Variants in UBE2Z observed in about 807,000 individuals in gnomAD.
UBE2Z encodes ubiquitin-conjugating enzyme E2 Z.
Under a neutral mutation model 32.6 loss-of-function variants are expected in UBE2Z, and 10 were observed. That is an observed-to-expected ratio of 0.31 (90% CI 0.19 to 0.52). The LOEUF is 0.52. Ranked by LOEUF, UBE2Z falls within the 20% of genes least tolerant of loss-of-function variation. The probability of loss-of-function intolerance (pLI) is 0.97; values close to 1 mark genes in which losing one functional copy is unlikely to be tolerated. For synonymous variants in UBE2Z, 183 were observed against 190.8 expected (o/e 0.96, Z 0.34); for missense variants, 343 against 480.9 (o/e 0.71, Z 2.68).
intron 6 of UBE2Z, 81 bp downstream of exon 6, chr17:48,923,018 T>G (rs759696790): frequency 3.0e-5 from 39 of 1,286,196 alleles, no homozygotes; most frequent in Non-Finnish European, 3.7e-5. Context: ...CATCGACAGC[T>G]GTCATAGAAT....
In UBE2Z at chr17:48,927,328, G is replaced by C. The variant is rs1192581805; in HGVS notation, c.*194G>C. 1.7e-6 allele frequency: 1 copy of C among 596,112 alleles called. No individual in the cohort carries two copies. The highest frequency in any genetic ancestry group is 2.9e-6 in the Non-Finnish European group (1 of 342,038). The allele number at this position is 596,112 out of a possible 1,614,324, so 36.9% of individuals were successfully genotyped here. ...TCCCGGTCTGACCTCCTTGGCACTG[G>C]AGCATCTGGGGCTTCGTTCATCCAT... is the stretch of plus-strand genomic sequence containing the variant. On this transcript the variant is annotated 3_prime_UTR_variant, in exon 7 of 7. Transcript: ENST00000360943.
At chr17:48,915,308 C>G (rs1438012879) in intron 3 of UBE2Z, among the ~76,000 whole-genome samples, 2 of 152,270 alleles carry the variant, frequency 1.3e-5, no homozygotes, top group East Asian at 3.9e-4. Flanking sequence ...GAAACAGAAG[C>G]AGGCAGTCAA....
chr17:48,908,453 C>T lies in UBE2Z; in HGVS notation c.-51C>T. On this transcript the variant is annotated 5_prime_UTR_variant, in exon 1 of 7. Transcript: ENST00000360943. ...GTGCGGGAGCGGGCGGGAGCAGCGG[C>T]CGCTCTGGTCGGCGGACGTGCTGCC... is the stretch of plus-strand genomic sequence containing the variant. 1 of 1,222,534 alleles carries T rather than the reference C, an allele frequency of 8.2e-7. No homozygotes were observed. The highest frequency in any genetic ancestry group is 1.0e-6 in the Non-Finnish European group (1 of 980,848). 75.7% of individuals were successfully genotyped at this position (1,222,534 alleles called of 1,614,324 possible). A position where few individuals can be genotyped will look rare whatever the true frequency, so the allele number is the denominator to read the frequency against.
intron 3 of UBE2Z, 45 bp from the exon 4 acceptor site, chr17:48,916,031 A>G (rs898139915): frequency 2.1e-6 from 3 of 1,406,156 alleles, no homozygotes; most frequent in Admixed American, 2.2e-5. Context: ...CTTGTTCCCT[A>G]TTCTTTCTCT....
At chr17:48,910,682 G>A (rs999475) in intron 1 of UBE2Z, 126 bp from the exon 2 acceptor site, 210,881 of 748,726 alleles carry the variant, frequency 0.28, 31,049 homozygotes, top group Admixed American at 0.42. Context: ...ACAAACACTT[G>A]CGGTACCAAG....
chr17:48,919,453 C>T (rs1003943788), intron 4 of UBE2Z, among the ~76,000 whole-genome samples: 6 of 152,106 alleles, frequency 3.9e-5, no homozygotes, highest in South Asian at 4.1e-4. Context: ...GTTTATCTTT[C>T]GAAGCTTCTG....
At chr17:48,914,547 C>T (rs771598708) in intron 3 of UBE2Z, among the ~76,000 whole-genome samples, 7 of 152,282 alleles carry the variant, frequency 4.6e-5, no homozygotes, top group Non-Finnish European at 7.4e-5. Context: ...GAAATTTAGT[C>T]GTTGCTTCTG....
intron 4 of UBE2Z, among the ~76,000 whole-genome samples, chr17:48,919,228 C>T (rs2040742606): frequency 6.6e-6 from 1 of 152,078 alleles, no homozygotes. Flanking sequence ...TTATGATCCA[C>T]CTGCCTCGGC....
chr17:48,912,794 T>A (rs2040689777), intron 2 of UBE2Z, 40 bp from the exon 3 acceptor site: 20 of 1,609,090 alleles, frequency 1.2e-5, no homozygotes, highest in Non-Finnish European at 1.7e-5. Flanking sequence ...TTGGGGTGGG[T>A]CATCACCTCA....
chr17:48,922,766 G>C, intron 5 of UBE2Z, 81 bp from the exon 6 acceptor site: 1 of 876,988 alleles, frequency 1.1e-6, no homozygotes, highest in Non-Finnish European at 1.6e-6. Context: ...GACTCCATCT[G>C]AAAAAAAAAA....
At chr17:48,916,044 C>T (rs377040123) in intron 3 of UBE2Z, 32 bp from the exon 4 acceptor site, 1 of 1,497,238 alleles carries the variant, frequency 6.7e-7, no homozygotes, top group Non-Finnish European at 9.1e-7. Flanking sequence ...CTTTCTCTGC[C>T]TCACCCTCCA....
rs371253123 is a variant in UBE2Z, at chr17:48,916,258, G to GTTT, written c.690+84_690+86dup. 6.6e-4 allele frequency: 277 copies of GTTT among 418,536 alleles called. 1 individual carries two copies. Among genetic ancestry groups the GTTT allele is most frequent in the East Asian group, 1.0e-3 (19 of 18,438 alleles). 25.9% of individuals were successfully genotyped at this position (418,536 alleles called of 1,614,324 possible). On this transcript the variant is annotated intron_variant, in intron 4 of 6. Transcript: ENST00000360943. ...GTTTGTTTGGTTGGTTGGTTTTTTTGTTTTTTTTTTTTTTTGAGACAGAGT... is the reference window on the plus strand; with the variant it reads ...GTTTGTTTGGTTGGTTGGTTTTTTTGTTTTTTTTTTTTTTTTTTGAGACAGAGT...
In UBE2Z at chr17:48,927,115, A is replaced by G; in HGVS notation, c.1046A>G (p.His349Arg). The change falls in exon 7 of 7, where the codon CAT becomes CGT. Residue 349 changes from histidine to arginine, a missense_variant. Physicochemically the swap from His to Arg is conservative, Grantham distance 29. Coordinates refer to ENST00000360943, the MANE Select transcript of UBE2Z (RefSeq NM_023079.5). ...TCATCTGGGACAGAGACAGACCTTC[A>G]TGGGAGCCTGAGGGTTTAGACCCTG... ...SSSSGTETDL[H>R]GSLRV The G allele has an allele frequency of 6.2e-7, 1 of 1,613,920 alleles. No individual in the cohort carries two copies. The highest frequency in any genetic ancestry group is 8.5e-7 in the Non-Finnish European group (1 of 1,179,846).
At chr17:48,920,835 A>G (rs2040753574) in intron 4 of UBE2Z, among the ~76,000 whole-genome samples, 1 of 152,034 alleles carries the variant, frequency 6.6e-6, no homozygotes, top group Non-Finnish European at 1.5e-5. Flanking sequence ...TAGCAACCCT[A>G]CCATCATTCT....
intron 1 of UBE2Z, 184 bp from the exon 2 acceptor site, chr17:48,910,624 G>C (rs1240862618): frequency 2.0e-6 from 1 of 505,866 alleles, no homozygotes. Context: ...TTTGCTCTCT[G>C]CCTGCCTGAC....
chr17:48,927,265 G>C lies in UBE2Z; in HGVS notation c.*131G>C, dbSNP rs2040804558. 4.0e-6 allele frequency: 4 copies of C among 1,004,268 alleles called. No homozygotes were observed. The highest frequency in any genetic ancestry group is 4.3e-6 in the Non-Finnish European group (3 of 690,530). The allele number at this position is 1,004,268 out of a possible 1,614,324, so 62.2% of individuals were successfully genotyped here. A position where few individuals can be genotyped will look rare whatever the true frequency, so the allele number is the denominator to read the frequency against. On this transcript the variant is annotated 3_prime_UTR_variant, in exon 7 of 7. Coordinates refer to ENST00000360943, the MANE Select transcript of UBE2Z (RefSeq NM_023079.5). ...CATCCTGCAAGATGGCAAGAACCAA[G>C]CAAGCTCCGATCCCAGGGTGTGGGA...
At chr17:48,921,296 G>A (rs1488435083) in intron 5 of UBE2Z, 24 bp downstream of exon 5, 1 of 1,585,084 alleles carries the variant, frequency 6.3e-7, no homozygotes, top group Non-Finnish European at 8.6e-7. Flanking sequence ...GGGCTTGCTT[G>A]GTATTCCTTT....
intron 3 of UBE2Z, among the ~76,000 whole-genome samples, chr17:48,914,911 C>T (rs1473918377): frequency 2.0e-5 from 3 of 152,124 alleles, no homozygotes; most frequent in Admixed American, 6.5e-5. Flanking sequence ...GTCCCAGCTA[C>T]TCGGGAGGCT....
chr17:48,919,029 G>A (rs927311271), intron 4 of UBE2Z, among the ~76,000 whole-genome samples: 1 of 152,126 alleles, frequency 6.6e-6, no homozygotes, highest in Non-Finnish European at 1.5e-5. Context: ...TTACAGGTGT[G>A]AGCCACCATG....
Sources: allele counts gnomAD v4.1 joint callset (sites outside exome capture counted in the v4.1 genomes callset), GRCh38; gene constraint gnomAD v4.1.1; transcripts MANE v1.5; gene names NCBI Gene and HGNC (gene_info 2026-07-23, HGNC 2026-07-21).